CNMD: variants seen among roughly 807,000 people sequenced by gnomAD.
The protein encoded by CNMD is leukocyte cell-derived chemotaxin 1.
Under a neutral mutation model 37.5 loss-of-function variants are expected in CNMD, and 30 were observed. That is an observed-to-expected ratio of 0.80 (90% confidence interval 0.60 to 1.09). CNMD has a LOEUF of 1.09. CNMD is among the 50% of genes least tolerant of loss of function. The probability of loss-of-function intolerance (pLI) is 0.00; values close to 1 mark genes in which losing one functional copy is unlikely to be tolerated. For missense variants in CNMD, 398 were observed against 423.9 expected, an observed-to-expected ratio of 0.94 and a Z score of 0.54; for synonymous variants, 167 against 148.2, an observed-to-expected ratio of 1.13 and a Z score of -0.92.
rs1382846620 is a variant in CNMD at position 52,739,800 on chromosome 13, A to T, written c.-99T>A. 5 of 1,030,430 alleles carry T rather than the reference A, an allele frequency of 4.9e-6. No individual in the cohort carries two copies. The highest frequency in any genetic ancestry group is 1.6e-5 in the African/African-American group (1 of 63,650). 63.8% of individuals were successfully genotyped at this position (1,030,430 alleles called of 1,614,324 possible). A position where few individuals can be genotyped will look rare whatever the true frequency, so the allele number is the denominator to read the frequency against. On this transcript the variant is annotated 5_prime_UTR_variant, in exon 1 of 7. Transcript: ENST00000377962. The surrounding 1 kb of genome is among the most constrained non-coding windows in gnomAD (Gnocchi z 5.4). The stretch of plus-strand genomic sequence containing the variant: ...CAGGGCATTTCAACGCCGCGCGCAC[A>T]CACGGTGCACGGTCCCGCCTGGGCC...
At chr13:52,724,775 T>C (rs892466292) in intron 3 of CNMD, among the ~76,000 whole-genome samples, 1 of 152,038 alleles carries the variant, frequency 6.6e-6, no homozygotes, top group African/African-American at 2.4e-5. Flanking sequence ...CGGGCTCCTG[T>C]AATCCCAGCT....
rs572523560 is a variant in CNMD, at chr13:52,718,703, G to C, written c.468+5294C>G. ...CTAATTTGATTGTACTGTGGTCTGA[G>C]AGACTGTTATGATTTCCATTCTTTT... On this transcript the variant is annotated intron_variant, in intron 4 of 6. Coordinates refer to ENST00000377962, the MANE Select transcript of CNMD (RefSeq NM_007015.3). Among the ~76,000 whole-genome samples, 13 of 152,266 alleles carry C rather than the reference G, an allele frequency of 8.5e-5. No homozygotes were observed. The East Asian group carries it at 1.9e-3, about 23-fold the overall frequency.
At chr13:52,714,009 C>T (rs1165560874) in intron 4 of CNMD, among the ~76,000 whole-genome samples, 1 of 152,202 alleles carries the variant, frequency 6.6e-6, no homozygotes, top group East Asian at 1.9e-4. Flanking sequence ...CACTTGCTTT[C>T]TCTAGTTCTC....
At chr13:52,726,731 C>T (rs2138260618) in intron 3 of CNMD, among the ~76,000 whole-genome samples, 1 of 152,104 alleles carries the variant, frequency 6.6e-6, no homozygotes, top group South Asian at 2.1e-4. Context: ...CAATAATTCT[C>T]CAGCAACAGA....
chr13:52,733,495 T>C (rs1323489983), intron 2 of CNMD, 136 bp from the exon 3 acceptor site: 1 of 785,616 alleles, frequency 1.3e-6, no homozygotes, highest in Admixed American at 1.9e-5. Context: ...AATACATTTA[T>C]ATATGATGAC....
chr13:52,720,745 T>C (rs1964468696), intron 4 of CNMD, among the ~76,000 whole-genome samples: 2 of 151,618 alleles, frequency 1.3e-5, no homozygotes, highest in South Asian at 4.1e-4. Context: ...TGTCAATCCC[T>C]GCTGGGAGGT....
intron 4 of CNMD, 82 bp downstream of exon 4, chr13:52,723,909 TAAAAAC>T (rs1964523859): frequency 1.2e-6 from 1 of 848,586 alleles, no homozygotes; most frequent in Non-Finnish European, 1.9e-6. Flanking sequence ...AAAATAAAAA[TAAAAAC>T]AAAAAATAAA....
intron 3 of CNMD, among the ~76,000 whole-genome samples, chr13:52,725,282 C>T (rs2138257193): frequency 6.6e-6 from 1 of 152,230 alleles, no homozygotes; most frequent in East Asian, 1.9e-4. Flanking sequence ...TTGGTGACCC[C>T]ACAAAGCTAT....
At chr13:52,719,211 T>C (rs1184063461) in intron 4 of CNMD, among the ~76,000 whole-genome samples, 1 of 152,272 alleles carries the variant, frequency 6.6e-6, no homozygotes, top group East Asian at 1.9e-4. Flanking sequence ...ATTTTGAACC[T>C]ATGTGTGTCT....
chr13:52,706,749 G>C (rs1964183730), intron 6 of CNMD, among the ~76,000 whole-genome samples: 1 of 148,508 alleles, frequency 6.7e-6, no homozygotes, highest in Non-Finnish European at 1.5e-5. Context: ...ATGTGTGTGT[G>C]TCTGTGGGTG....
intron 6 of CNMD, among the ~76,000 whole-genome samples, chr13:52,707,565 A>G (rs1289485336): frequency 6.6e-6 from 1 of 152,134 alleles, no homozygotes. Flanking sequence ...TGCCTAAATG[A>G]CTGCCTGTTG....
intron 5 of CNMD, among the ~76,000 whole-genome samples, chr13:52,710,082 G>A (rs1442982952): frequency 6.6e-6 from 1 of 152,232 alleles, no homozygotes; most frequent in Non-Finnish European, 1.5e-5. Context: ...GGTAGTGATA[G>A]GGTTAATGAG....
chr13:52,733,458 G>C, intron 2 of CNMD, 99 bp from the exon 3 acceptor site: 2 of 956,414 alleles, frequency 2.1e-6, no homozygotes, highest in Non-Finnish European at 3.4e-6. Context: ...ATATGTTTCA[G>C]AGATACATGA....
Position 52,739,533 on chromosome 13 carries a change from C to A in CNMD, c.72+97G>T. ...GGACCCAAATTTATCCCCCCGCCAA[C>A]ACACCCATTCGGTGGCACGCACCCC... On this transcript the variant is annotated intron_variant, in intron 1 of 6. Transcript: ENST00000377962. This position sits in a 1 kb window ranked among gnomAD's most constrained non-coding sequence, Gnocchi z 5.4. 9.0e-7 allele frequency: 1 copy of A among 1,113,184 alleles called. No individual in the cohort carries two copies. The highest frequency in any genetic ancestry group is 1.4e-6 in the Non-Finnish European group (1 of 733,250). 69.0% of individuals were successfully genotyped at this position (1,113,184 alleles called of 1,614,324 possible).
At chr13:52,705,264 G>C (rs1278573651) in intron 6 of CNMD, among the ~76,000 whole-genome samples, 1 of 152,098 alleles carries the variant, frequency 6.6e-6, no homozygotes, top group Non-Finnish European at 1.5e-5. Context: ...AATTTAAAGA[G>C]AATTGGAGGA....
At chr13:52,720,403 G>A (rs1007965805) in intron 4 of CNMD, among the ~76,000 whole-genome samples, 1 of 152,174 alleles carries the variant, frequency 6.6e-6, no homozygotes, top group Non-Finnish European at 1.5e-5. Context: ...TCCTTTGGAG[G>A]AGAAGAGGCG....
chr13:52,717,111 G>C (rs556165998), intron 4 of CNMD, among the ~76,000 whole-genome samples: 1 of 152,152 alleles, frequency 6.6e-6, no homozygotes, highest in Non-Finnish European at 1.5e-5. Context: ...TTTAGCAACT[G>C]TGAATGAGAG....
intron 2 of CNMD, 93 bp from the exon 3 acceptor site, chr13:52,733,452 G>T: frequency 1.8e-6 from 2 of 1,086,506 alleles, no homozygotes; most frequent in Non-Finnish European, 2.9e-6. Flanking sequence ...GTGTCCATAT[G>T]TTTCAGAGAT....
At chr13:52,735,386 T>C (rs574041134) in intron 2 of CNMD, among the ~76,000 whole-genome samples, 1 of 152,260 alleles carries the variant, frequency 6.6e-6, no homozygotes, top group East Asian at 1.9e-4. Flanking sequence ...TTTAAGAACA[T>C]TGCACATAAG....
Sources: allele counts gnomAD v4.1 joint callset (sites outside exome capture counted in the v4.1 genomes callset), GRCh38; gene constraint gnomAD v4.1.1; non-coding constraint Gnocchi (gnomAD v3.1); transcripts MANE v1.5; gene names NCBI Gene and HGNC (gene_info 2026-07-23, HGNC 2026-07-21).